The following SLC2A5 variants were observed in gnomAD, a reference collection of about 807,000 sequenced individuals.
SLC2A5 encodes the protein solute carrier family 2, facilitated glucose transporter member 5.
SLC2A5 carries 56 observed loss-of-function variants against 50.3 expected under a neutral mutation model. The observed-to-expected ratio is 1.11, with a 90% confidence interval of 0.90 to 1.39. The LOEUF (loss-of-function observed/expected upper bound fraction) is 1.39. Among genes scored for constraint, SLC2A5 ranks in the 40% most tolerant of loss-of-function variants. The pLI, the probability that SLC2A5 is intolerant of heterozygous loss-of-function variation, is 0.00. For missense variants in SLC2A5, 566 were observed against 650.1 expected, an observed-to-expected ratio of 0.87 and a Z score of 1.41; for synonymous variants, 269 against 281.9, an observed-to-expected ratio of 0.95 and a Z score of 0.46.
intron 3 of SLC2A5, among the ~76,000 whole-genome samples, chr1:9,052,109 C>T (rs1265084432): frequency 6.6e-6 from 1 of 152,134 alleles, no homozygotes; most frequent in Non-Finnish European, 1.5e-5. Context: ...CATGGTGAAA[C>T]CCCGTCTCTA....
intron 1 of SLC2A5, among the ~76,000 whole-genome samples, chr1:9,067,335 C>T (rs1642108432): frequency 6.6e-6 from 1 of 152,244 alleles, no homozygotes. Flanking sequence ...AGGCTTCCTT[C>T]CCTGGAGGGC....
intron 2 of SLC2A5, among the ~76,000 whole-genome samples, chr1:9,081,441 T>A (rs1344475874): frequency 1.5e-5 from 2 of 135,026 alleles, no homozygotes; most frequent in African/African-American, 2.8e-5. Flanking sequence ...AAGTCCAGCC[T>A]GGGCAATGGA....
chr1:9,068,624 G>A (rs1297869076), intron 1 of SLC2A5, among the ~76,000 whole-genome samples: 1 of 151,878 alleles, frequency 6.6e-6, no homozygotes, highest in East Asian at 1.9e-4. Flanking sequence ...GCTAATTTTT[G>A]TATTTTTAGT....
chr1:9,093,441 G>A (rs1348954332), upstream of SLC2A5, among the ~76,000 whole-genome samples: 1 of 152,154 alleles, frequency 6.6e-6, no homozygotes, highest in Non-Finnish European at 1.5e-5. Flanking sequence ...AGGAGGAGGA[G>A]TGCACATAAG....
At chr1:9,038,736 T>C in intron 9 of SLC2A5, 92 bp downstream of exon 9, 2 of 1,476,094 alleles carry the variant, frequency 1.4e-6, no homozygotes, top group African/African-American at 1.4e-5. Context: ...TTGTGACCCC[T>C]TTTATTTTAA....
chr1:9,080,589 C>T (rs76570841), intron 2 of SLC2A5, among the ~76,000 whole-genome samples: 5,757 of 152,206 alleles, frequency 0.038, 359 homozygotes, highest in African/African-American at 0.13. Flanking sequence ...TGATGAGTGA[C>T]GTTGAGCATC....
At chr1:9,044,778 C>T (rs977265025) in intron 4 of SLC2A5, among the ~76,000 whole-genome samples, 1 of 152,202 alleles carries the variant, frequency 6.6e-6, no homozygotes, top group Admixed American at 6.5e-5. Flanking sequence ...TGGTCTCGCA[C>T]TCCTGACCTC....
upstream of SLC2A5, among the ~76,000 whole-genome samples, chr1:9,074,426 G>A (rs896799915): frequency 3.9e-5 from 6 of 152,084 alleles, no homozygotes; most frequent in African/African-American, 1.4e-4. Flanking sequence ...TAACCTACAT[G>A]TTACAAGAGA....
intron 9 of SLC2A5, 96 bp from the exon 10 acceptor site, chr1:9,038,602 C>G: frequency 7.9e-7 from 1 of 1,257,956 alleles, no homozygotes; most frequent in South Asian, 1.3e-5. Context: ...AGGATGGCAC[C>G]TGGCTCCTCC....
Position 9,041,852 on chromosome 1 carries a change from G to C in SLC2A5, c.504C>G (p.Leu168=). ...CCACAAGGATGCCAACAGTGATGAAGAGCTGGGGCACCACCCCGAGAGCCC... is the reference window on the plus strand; with the variant it reads ...CCACAAGGATGCCAACAGTGATGAACAGCTGGGGCACCACCCCGAGAGCCC... ...LRGALGVVPQ[L]FITVGILVAQ... The change falls in exon 5 of 12, where the codon CTC becomes CTG. Residue 168 remains leucine, a synonymous_variant. Coordinates refer to ENST00000377424, the MANE Select transcript of SLC2A5 (RefSeq NM_003039.3). 6.2e-7 allele frequency: 1 copy of C among 1,614,076 alleles called. No individual in the cohort carries two copies.
chr1:9,071,922 G>T (rs145295531), upstream of SLC2A5: 1 of 111,540 alleles, frequency 9.0e-6, no homozygotes, highest in Non-Finnish European at 2.1e-5. Flanking sequence ...CTCAGCCCGG[G>T]TCCCCCTCGG....
At chr1:9,065,906 T>C (rs1359502767) in intron 1 of SLC2A5, among the ~76,000 whole-genome samples, 1 of 152,078 alleles carries the variant, frequency 6.6e-6, no homozygotes, top group East Asian at 1.9e-4. Flanking sequence ...ATTGTGCCAC[T>C]GTACTCCTGC....
At chr1:9,074,879 T>C (rs11121313) in intron 2 of SLC2A5, among the ~76,000 whole-genome samples, 69,388 of 151,552 alleles carry the variant, frequency 0.46, 16,283 homozygotes, top group East Asian at 0.63. Context: ...AAAAATTATC[T>C]GGGTGTGGTG....
Position 9,057,612 on chromosome 1 carries a change from G to A in SLC2A5, c.133-4C>T, listed in dbSNP as rs781117866. 1 of 1,611,474 alleles carries A rather than the reference G, an allele frequency of 6.2e-7. No individual in the cohort carries two copies. The highest frequency in any genetic ancestry group is 1.1e-5 in the South Asian group (1 of 90,794). ...CATTGTAAAATTGTTGCATGAGCTA[G>A]GAGACAAAGCAAAACAGAACACCAA... On this transcript the variant is annotated splice_polypyrimidine_tract_variant and splice_region_variant and intron_variant, in intron 2 of 11. Coordinates refer to ENST00000377424, the MANE Select transcript of SLC2A5 (RefSeq NM_003039.3).
chr1:9,039,028 G>T (rs1387298937), intron 8 of SLC2A5, 99 bp from the exon 9 acceptor site: 21 of 1,400,082 alleles, frequency 1.5e-5, no homozygotes, highest in Non-Finnish European at 1.9e-5. Flanking sequence ...GGCGGACCGG[G>T]TGCCCACCCA....
intron 2 of SLC2A5, among the ~76,000 whole-genome samples, chr1:9,080,595 G>A (rs758684938): frequency 5.9e-5 from 9 of 152,194 alleles, no homozygotes; most frequent in South Asian, 2.1e-4. Context: ...GTGACGTTGA[G>A]CATCTTTTCA....
intron 1 of SLC2A5, among the ~76,000 whole-genome samples, chr1:9,059,715 T>G (rs542279502): frequency 6.6e-6 from 1 of 151,448 alleles, no homozygotes; most frequent in Non-Finnish European, 1.5e-5. Flanking sequence ...TATATTTTTA[T>G]AGAGACAGGG....
intron 3 of SLC2A5, 136 bp downstream of exon 3, chr1:9,057,312 A>AAAAAAAAAAAAAAAAAAAG (rs1557673201): frequency 2.6e-6 from 1 of 385,484 alleles, no homozygotes; most frequent in Non-Finnish European, 4.2e-6. Flanking sequence ...AAAAAAAAAA[A>AAAAAAAAAAAAAAAAAAAG]AAAGAAAGAA....
chr1:9,060,207 CGCCCCTCATGTAACAAACAA>C (rs2124419157), intron 1 of SLC2A5, among the ~76,000 whole-genome samples: 1 of 146,890 alleles, frequency 6.8e-6, no homozygotes, highest in Non-Finnish European at 1.5e-5. Context: ...ACTACACACA[CGCCCCTCATGTAACAAACAA>C]TACACACACA....
Sources: allele counts gnomAD v4.1 joint callset (sites outside exome capture counted in the v4.1 genomes callset), GRCh38; gene constraint gnomAD v4.1.1; transcripts MANE v1.5; gene names NCBI Gene and HGNC (gene_info 2026-07-23, HGNC 2026-07-21).